The following WDFY3 variants were observed in gnomAD, a reference collection of about 807,000 sequenced individuals.
WDFY3 encodes WD repeat and FYVE domain containing 3, also known as WD repeat and FYVE domain-containing protein 3.
WDFY3 carries 66 observed loss-of-function variants against 409.6 expected under a neutral mutation model. The observed-to-expected ratio is 0.16, with a 90% CI of 0.13 to 0.20. The LOEUF (loss-of-function observed/expected upper bound fraction) is 0.20. Among genes scored for constraint, WDFY3 ranks in the 10% least tolerant of loss-of-function variants. WDFY3 has a pLI of 1.00. For missense variants in WDFY3, 3,031 were observed against 4,298.1 expected (o/e 0.71, Z 8.24); for synonymous variants, 1,521 against 1,537.1 (o/e 0.99, Z 0.25).
At chr4:84,965,747 G>C (rs1225983884) in intron 1 of WDFY3, 4 of 152,330 alleles carry the variant, frequency 2.6e-5, no homozygotes, top group African/African-American at 7.2e-5. Context: ...CTGCGCTCAG[G>C]TCCGGGTGGC....
chr4:84,830,931 G>A (rs188254965), intron 8 of WDFY3, among the ~76,000 whole-genome samples: 3,229 of 152,214 alleles, frequency 0.021, 46 homozygotes, highest in Middle Eastern at 0.051. Flanking sequence ...GCTGACGCCT[G>A]TAATCCCAGC....
At chr4:84,766,148 T>A in intron 31 of WDFY3, 104 bp downstream of exon 31, 1 of 1,491,512 alleles carries the variant, frequency 6.7e-7, no homozygotes, top group Non-Finnish European at 9.0e-7. Context: ...AATTTCAGGG[T>A]TAAAAAAATC....
chr4:84,689,330 T>G (rs1317097160), intron 61 of WDFY3, among the ~76,000 whole-genome samples: 1 of 152,230 alleles, frequency 6.6e-6, no homozygotes, highest in Admixed American at 6.5e-5. Context: ...ACATCTTTAT[T>G]GCATGCTTAG....
intron 61 of WDFY3, among the ~76,000 whole-genome samples, chr4:84,688,721 A>T (rs1728749050): frequency 7.5e-6 from 1 of 133,106 alleles, no homozygotes; most frequent in African/African-American, 3.0e-5. Context: ...TTTTTTTTTA[A>T]AAAAATGCAT....
intron 15 of WDFY3, chr4:84,804,195 T>C (rs1319594795): frequency 6.6e-6 from 1 of 152,232 alleles, no homozygotes; most frequent in Non-Finnish European, 1.5e-5. Context: ...TTCTATTTCA[T>C]ACTACTCATC....
At chr4:84,691,491 G>A in intron 60 of WDFY3, 140 bp downstream of exon 60, 1 of 869,418 alleles carries the variant, frequency 1.2e-6, no homozygotes, top group Middle Eastern at 2.4e-4. Context: ...CCCCAAATAG[G>A]AAAGCTCACT....
chr4:84,781,016 A>G (rs1431369349), intron 25 of WDFY3, among the ~76,000 whole-genome samples: 2 of 152,054 alleles, frequency 1.3e-5, no homozygotes, highest in African/African-American at 4.8e-5. Context: ...GGGGACAATA[A>G]AAGTCACTTT....
At chr4:84,748,733 T>C (rs903912448) in intron 36 of WDFY3, among the ~76,000 whole-genome samples, 1 of 152,170 alleles carries the variant, frequency 6.6e-6, no homozygotes, top group Non-Finnish European at 1.5e-5. Flanking sequence ...ACATGTTCTT[T>C]TGTAGGTATA....
At chr4:84,940,154 T>C (rs1771927293) in intron 1 of WDFY3, among the ~76,000 whole-genome samples, 1 of 152,020 alleles carries the variant, frequency 6.6e-6, no homozygotes, top group Non-Finnish European at 1.5e-5. Flanking sequence ...CAATCCCCAA[T>C]ACACCTAAAA....
chr4:84,930,625 CT>C (rs1441075496), intron 2 of WDFY3, among the ~76,000 whole-genome samples: 18 of 152,154 alleles, frequency 1.2e-4, no homozygotes, highest in Admixed American at 1.2e-3. Context: ...ATATTCAAAT[CT>C]TTTTTCTCAA....
intron 38 of WDFY3, among the ~76,000 whole-genome samples, chr4:84,740,874 C>A (rs1190661946): frequency 6.6e-6 from 1 of 151,932 alleles, no homozygotes; most frequent in Non-Finnish European, 1.5e-5. Flanking sequence ...CAAATATATC[C>A]CTTTGAAAAG....
intron 3 of WDFY3, among the ~76,000 whole-genome samples, chr4:84,874,207 G>GT (rs1762482004): frequency 6.6e-6 from 1 of 151,770 alleles, no homozygotes; most frequent in South Asian, 2.1e-4. Context: ...GAGGTCAGGA[G>GT]TTTGAGACCA....
At chr4:84,796,412 G>T in intron 19 of WDFY3, 109 bp downstream of exon 19, 2 of 604,556 alleles carry the variant, frequency 3.3e-6, no homozygotes, top group Non-Finnish European at 5.0e-6. Flanking sequence ...AAAATATTAA[G>T]TATGGTAAAA....
Position 84,678,175 on chromosome 4 carries a change from T to C in WDFY3, c.10252A>G (p.Ile3418Val). 6.2e-7 allele frequency: 1 copy of C among 1,613,760 alleles called. No homozygotes were observed. Among genetic ancestry groups the C allele is most frequent in the Non-Finnish European group, 8.5e-7 (1 of 1,179,722 alleles). Residue 3418 changes from isoleucine (I) to valine (V), a missense_variant, in exon 66 of 68, where the codon ATC (isoleucine) becomes GTC (valine). Around this residue, in one of 16 missense-constraint regions of WDFY3, gnomAD observed 378 missense variants for 477.3 expected, o/e 0.79. Transcript: ENST00000295888. ...AHPAEVTALG[I>V]SKDHSRILVG... ...AAAAAGCCTGACACTTACTTGGAGA[T>C]GCCCAAGGCAGTGACCTCAGCTGGG...
chr4:84,726,713 G>A, intron 45 of WDFY3, 148 bp downstream of exon 45: 1 of 630,562 alleles, frequency 1.6e-6, no homozygotes, highest in Non-Finnish European at 2.6e-6. Context: ...GAAACCAACG[G>A]TTCAACTCTA....
At chr4:84,881,360 AC>A (rs1320663563) in intron 3 of WDFY3, among the ~76,000 whole-genome samples, 1 of 152,136 alleles carries the variant, frequency 6.6e-6, no homozygotes, top group Non-Finnish European at 1.5e-5. Flanking sequence ...CCTCAAATAT[AC>A]CATAAAGATA....
chr4:84,832,727 C>A (rs905259350), intron 7 of WDFY3, among the ~76,000 whole-genome samples: 2 of 152,102 alleles, frequency 1.3e-5, no homozygotes, highest in East Asian at 1.9e-4. Context: ...ACTTATATCA[C>A]CTGATTTTTT....
chr4:84,700,013 C>T (rs955089411), intron 56 of WDFY3, among the ~76,000 whole-genome samples: 8 of 149,316 alleles, frequency 5.4e-5, no homozygotes, highest in East Asian at 1.9e-4. Flanking sequence ...GGCATCTTTT[C>T]ATTTTCTTGG....
rs1738848288 is a variant in WDFY3 at position 84,743,731 on chromosome 4, C to T, written c.6042G>A (p.Met2014Ile). The T allele has an allele frequency of 2.5e-6, 4 of 1,593,556 alleles. No individual in the cohort carries two copies. Among genetic ancestry groups the T allele is most frequent in the Non-Finnish European group, 2.6e-6 (3 of 1,167,436 alleles). Reference sequence around the variant, plus strand: ...ACACATCAGCTGCAAGCAAATGGTCCATCACGCTATCCAAAATGTAAGTTT... The same window carrying T: ...ACACATCAGCTGCAAGCAAATGGTCTATCACGCTATCCAAAATGTAAGTTT... ...EFQTYILDSV[M>I]DHLLAADVLL... Residue 2014 changes from methionine (M) to isoleucine (I), a missense_variant, in exon 37 of 68, where the codon ATG becomes ATA. Physicochemically the swap from Met to Ile is conservative, Grantham distance 10. Transcript: ENST00000295888.
Sources: allele counts gnomAD v4.1 joint callset (sites outside exome capture counted in the v4.1 genomes callset), GRCh38; gene constraint gnomAD v4.1.1; regional missense constraint gnomAD v4.1.1; transcripts MANE v1.5; gene names NCBI Gene and HGNC (gene_info 2026-07-23, HGNC 2026-07-21).